EPM2A: variants seen among roughly 807,000 people sequenced by gnomAD.
EPM2A encodes the protein EPM2A glucan phosphatase, laforin.
EPM2A carries 21 observed loss-of-function variants against 26.5 expected under a neutral mutation model. That is an observed-to-expected ratio of 0.79 (90% confidence interval 0.56 to 1.14). The LOEUF is 1.14. Ranked by LOEUF, EPM2A falls within the 50% of genes most tolerant of loss-of-function variation. The pLI, the probability that EPM2A is intolerant of heterozygous loss-of-function variation, is 0.00. For synonymous variants in EPM2A, 217 were observed against 177.6 expected, an observed-to-expected ratio of 1.22 and a Z score of -1.76; for missense variants, 458 against 440.8, an observed-to-expected ratio of 1.04 and a Z score of -0.35.
intron 2 of EPM2A, among the ~76,000 whole-genome samples, chr6:145,602,403 A>T (rs1781427807): frequency 6.6e-6 from 1 of 152,200 alleles, no homozygotes; most frequent in Non-Finnish European, 1.5e-5. Context: ...ATCTGCTTAC[A>T]ATATTATAGA....
At chr6:145,729,678 G>C (rs1039438213) in intron 1 of EPM2A, among the ~76,000 whole-genome samples, 4 of 152,172 alleles carry the variant, frequency 2.6e-5, no homozygotes, top group Non-Finnish European at 5.9e-5. Flanking sequence ...CAGGCTCCTA[G>C]CCAAAAGGGA....
At chr6:145,490,975 G>A (rs1224713034) in intron 4 of EPM2A, 4 of 879,854 alleles carry the variant, frequency 4.5e-6, no homozygotes, top group Non-Finnish European at 7.3e-6. Context: ...TTCCTCTAAT[G>A]TTTTGATGCC....
At chr6:145,566,725 T>C (rs1780888863) in intron 2 of EPM2A, among the ~76,000 whole-genome samples, 1 of 152,166 alleles carries the variant, frequency 6.6e-6, no homozygotes, top group South Asian at 2.1e-4. Flanking sequence ...AAATCTTTGG[T>C]TCTTAATAGG....
intron 4 of EPM2A, among the ~76,000 whole-genome samples, chr6:145,452,163 C>A (rs1474170805): frequency 1.3e-5 from 2 of 152,218 alleles, no homozygotes; most frequent in Non-Finnish European, 2.9e-5. Context: ...ATCCAGACAT[C>A]AGCCTCTGAT....
chr6:145,726,654 C>A (rs1411275746), intron 1 of EPM2A, among the ~76,000 whole-genome samples: 1 of 152,084 alleles, frequency 6.6e-6, no homozygotes, highest in Admixed American at 6.6e-5. Context: ...AACCCATAAT[C>A]CAAGTCTAAT....
rs541585988 is a variant in EPM2A at position 145,575,606 on chromosome 6, T to C, written c.340+59639A>G. 2.6e-5 allele frequency among the ~76,000 whole-genome samples: 4 copies of C among 152,274 alleles called. No individual in the cohort carries two copies. In the East Asian group the frequency reaches 7.7e-4, roughly 29 times the overall value. Reference sequence around the variant, plus strand: ...ACTTAGGAGAAACCAACCAGCTTCATGATGTTCCTTGTTTCTCCACAAGTT... The same window carrying C: ...ACTTAGGAGAAACCAACCAGCTTCACGATGTTCCTTGTTTCTCCACAAGTT... On this transcript the variant is annotated intron_variant, in intron 2 of 3. Coordinates refer to the EPM2A transcript ENST00000450221.
intron 1 of EPM2A, among the ~76,000 whole-genome samples, chr6:145,696,962 C>G (rs1212114281): frequency 2.0e-5 from 3 of 151,924 alleles, no homozygotes; most frequent in Non-Finnish European, 4.4e-5. Context: ...CTCTTTTAGT[C>G]AAAAAATGAG....
chr6:145,527,555 T>C (rs1220035233), intron 2 of EPM2A, among the ~76,000 whole-genome samples: 1 of 152,140 alleles, frequency 6.6e-6, no homozygotes, highest in African/African-American at 2.4e-5. Flanking sequence ...CCTTTTTCAC[T>C]GTTGTTGGTT....
At chr6:145,385,839 TC>T (rs1335444104) in intron 4 of EPM2A, among the ~76,000 whole-genome samples, 1 of 152,136 alleles carries the variant, frequency 6.6e-6, no homozygotes, top group Non-Finnish European at 1.5e-5. Flanking sequence ...TTGTTCCATG[TC>T]ATGCAATGTT....
intron 1 of EPM2A, chr6:145,734,448 T>C (rs192752466): frequency 6.6e-6 from 1 of 152,328 alleles, no homozygotes; most frequent in Admixed American, 6.5e-5. Flanking sequence ...TTTCACTATG[T>C]ACATTTCTTT....
intron 1 of EPM2A, among the ~76,000 whole-genome samples, chr6:145,703,835 A>G (rs1365730400): frequency 6.6e-6 from 1 of 152,242 alleles, no homozygotes; most frequent in Non-Finnish European, 1.5e-5. Context: ...CACAAAGTTA[A>G]CTGATATGAA....
At chr6:145,452,828 G>T (rs1300317798) in intron 4 of EPM2A, among the ~76,000 whole-genome samples, 10 of 152,112 alleles carry the variant, frequency 6.6e-5, no homozygotes, top group Non-Finnish European at 1.3e-4. Flanking sequence ...TACCAATAGG[G>T]CTGAATGTGT....
intron 4 of EPM2A, among the ~76,000 whole-genome samples, chr6:145,429,770 GTTAA>G (rs1778899069): frequency 1.3e-5 from 2 of 152,228 alleles, no homozygotes; most frequent in South Asian, 4.1e-4. Flanking sequence ...TTACAAAATA[GTTAA>G]TTGTGAGATT....
At chr6:145,614,058 T>C (rs1395757730) in intron 2 of EPM2A, among the ~76,000 whole-genome samples, 2 of 152,224 alleles carry the variant, frequency 1.3e-5, no homozygotes, top group Admixed American at 6.5e-5. Context: ...AAATCTGTTG[T>C]TTAGTGTACC....
At chr6:145,676,138 A>G (rs1279541007) in intron 2 of EPM2A, among the ~76,000 whole-genome samples, 1 of 152,204 alleles carries the variant, frequency 6.6e-6, no homozygotes, top group East Asian at 1.9e-4. Flanking sequence ...AAAACCACAC[A>G]ACTACATGGA....
At chr6:145,453,370 C>T (rs1779221308) in intron 4 of EPM2A, among the ~76,000 whole-genome samples, 1 of 151,976 alleles carries the variant, frequency 6.6e-6, no homozygotes, top group Admixed American at 6.6e-5. Flanking sequence ...TTCCCCATTC[C>T]CTGTTGTTTT....
At chr6:145,443,380 T>C (rs762209566) in intron 4 of EPM2A, among the ~76,000 whole-genome samples, 2 of 152,224 alleles carry the variant, frequency 1.3e-5, no homozygotes, top group Admixed American at 6.5e-5. Flanking sequence ...GTTTCTTCCA[T>C]TTGCTTCTGT....
At chr6:145,705,620 T>C (rs961059864) in intron 1 of EPM2A, 1 of 453,886 alleles carries the variant, frequency 2.2e-6, no homozygotes. Flanking sequence ...TCATTATAGA[T>C]TGGCTAGGGG....
intron 2 of EPM2A, among the ~76,000 whole-genome samples, chr6:145,568,615 G>T (rs571635949): frequency 6.6e-6 from 1 of 152,106 alleles, no homozygotes; most frequent in Non-Finnish European, 1.5e-5. Context: ...GAGCCACTGC[G>T]CCCGGCCTGG....
Sources: allele counts gnomAD v4.1 joint callset (sites outside exome capture counted in the v4.1 genomes callset), GRCh38; gene constraint gnomAD v4.1.1; transcripts MANE v1.5; gene names NCBI Gene and HGNC (gene_info 2026-07-23, HGNC 2026-07-21).